Variants in ARHGEF9 observed in about 807,000 individuals in gnomAD.
ARHGEF9 encodes the protein Cdc42 guanine nucleotide exchange factor 9.
ARHGEF9 carries 2 observed loss-of-function variants against 41.3 expected under a neutral mutation model. That is an observed-to-expected ratio of 0.05 (90% confidence interval 0.02 to 0.15). The LOEUF (loss-of-function observed/expected upper bound fraction) is 0.15. ARHGEF9 is among the 10% of genes least tolerant of loss of function. The probability of loss-of-function intolerance (pLI) is 1.00; values close to 1 mark genes in which losing one functional copy is unlikely to be tolerated. For missense variants in ARHGEF9, 225 were observed against 424.7 expected (o/e 0.53, Z 4.13); for synonymous variants, 160 against 154.4 (o/e 1.04, Z -0.27).
intron 6 of ARHGEF9, among the ~76,000 whole-genome samples, chrX:63,670,573 T>C (rs1342254649): frequency 9.0e-6 from 1 of 110,658 alleles, no homozygotes; most frequent in Non-Finnish European, 1.9e-5. Flanking sequence ...ATCCAGGATA[T>C]GTTACCTTTC....
In ARHGEF9 at chrX:63,706,291, A is replaced by G. The variant is rs782015692; in HGVS notation, c.369T>C (p.Arg123=). 1.7e-6 allele frequency: 2 copies of G among 1,204,933 alleles called. No individual in the cohort carries two copies. Among genetic ancestry groups the G allele is most frequent in the African/African-American group, 1.7e-5 (1 of 57,396 alleles). ...NVINEIMSTE[R]HYIKHLKDIC... ...TATCCTTGAGGTGCTTGATGTAGTG[A>G]CGCTCAGTGCTCATTATCTCATTGA... is the stretch of plus-strand genomic sequence containing the variant. Residue 123 remains arginine, a synonymous_variant, in exon 3 of 10, where the codon CGT becomes CGC. Coordinates refer to ENST00000671741, the MANE Select transcript of ARHGEF9 (RefSeq NM_001353921.2).
chrX:63,774,077 CTATCTATCT>C (rs1556456601), intron 1 of ARHGEF9, among the ~76,000 whole-genome samples: 3 of 109,371 alleles, frequency 2.7e-5, no homozygotes, highest in African/African-American at 1.0e-4. Flanking sequence ...ATCTATCTAT[CTATCTATCT>C]ATCTATCTAC....
chrX:63,689,575 C>A (rs2051203957), intron 4 of ARHGEF9, among the ~76,000 whole-genome samples: 1 of 111,925 alleles, frequency 8.9e-6, no homozygotes, highest in Admixed American at 9.5e-5. Flanking sequence ...TCACTTTCAG[C>A]AATGAACAGA....
chrX:63,727,124 G>A (rs1556417523), intron 1 of ARHGEF9: 2 of 111,714 alleles, frequency 1.8e-5, no homozygotes, highest in East Asian at 2.8e-4. Flanking sequence ...ATTAAGACCT[G>A]TAGTTTAAAG....
chrX:63,654,459 G>T (rs1556333417), intron 8 of ARHGEF9, among the ~76,000 whole-genome samples: 1 of 111,723 alleles, frequency 9.0e-6, no homozygotes, highest in African/African-American at 3.3e-5. Context: ...TCCCAATGGA[G>T]TGTCCACATA....
chrX:63,696,988 G>A, intron 4 of ARHGEF9, 137 bp downstream of exon 4: 1 of 627,090 alleles, frequency 1.6e-6, no homozygotes, highest in East Asian at 3.6e-5. Context: ...AGAGACCAGG[G>A]GTCAAAATGA....
chrX:63,777,578 C>T (rs1486415404), intron 1 of ARHGEF9, among the ~76,000 whole-genome samples: 16 of 112,191 alleles, frequency 1.4e-4, no homozygotes, highest in African/African-American at 3.9e-4. Flanking sequence ...CAAGGCAAGT[C>T]CCTTCTGCCT....
chrX:63,653,140 A>G (rs1460003090), intron 8 of ARHGEF9, among the ~76,000 whole-genome samples: 3 of 111,646 alleles, frequency 2.7e-5, no homozygotes, highest in Non-Finnish European at 5.7e-5. Context: ...TATATAAGGG[A>G]CAATATCCTA....
At chrX:63,682,133 C>CAATCAATA (rs2090718392) in intron 4 of ARHGEF9, among the ~76,000 whole-genome samples, 1 of 101,524 alleles carries the variant, frequency 9.8e-6, no homozygotes, top group African/African-American at 3.5e-5. Context: ...TTAAACTCTT[C>CAATCAATA]AATAAATAAA....
chrX:63,710,686 AAAT>A (rs1308857244), intron 2 of ARHGEF9, among the ~76,000 whole-genome samples: 1 of 111,479 alleles, frequency 9.0e-6, no homozygotes, highest in Non-Finnish European at 1.9e-5. Context: ...ACTTTTCTCC[AAAT>A]AATAATGAAC....
At position 63,655,749 on chromosome X, in the gene ARHGEF9, G is replaced by A. The variant is rs1556335162; in HGVS notation, c.1078-12C>T. On this transcript the variant is annotated splice_polypyrimidine_tract_variant and intron_variant, in intron 7 of 9. Transcript: ENST00000671741. ...CTCCGGATTAGGTCCTAGATGGGAA[G>A]GAAGAGGTTTCTTGAAGGTATGTGC... The A allele has an allele frequency of 2.5e-6, 3 of 1,206,073 alleles. No homozygotes were observed. Among genetic ancestry groups the A allele is most frequent in the Non-Finnish European group, 3.4e-6 (3 of 894,849 alleles).
chrX:63,724,332 A>G (rs2053829878), intron 2 of ARHGEF9, among the ~76,000 whole-genome samples, 200 bp downstream of exon 2: 1 of 111,198 alleles, frequency 9.0e-6, no homozygotes, highest in Admixed American at 9.6e-5. Context: ...TAAACAAGAG[A>G]CAAATGAAAA....
chrX:63,771,049 C>T (rs1239239561), intron 1 of ARHGEF9, among the ~76,000 whole-genome samples: 1 of 112,347 alleles, frequency 8.9e-6, no homozygotes, highest in Non-Finnish European at 1.9e-5. Flanking sequence ...TGTTTGTAGA[C>T]TTTTTAATAA....
chrX:63,655,824 C>A, intron 7 of ARHGEF9, 87 bp from the exon 8 acceptor site: 1 of 1,126,021 alleles, frequency 8.9e-7, no homozygotes, highest in Non-Finnish European at 1.2e-6. Flanking sequence ...AATGCTAACA[C>A]TGTCACCGTT....
chrX:63,711,172 T>C (rs782703451), intron 2 of ARHGEF9, among the ~76,000 whole-genome samples: 1 of 111,523 alleles, frequency 9.0e-6, no homozygotes, highest in Non-Finnish European at 1.9e-5. Context: ...AAGAACTATA[T>C]AGAAAAACCT....
chrX:63,707,463 G>A (rs1422925690), intron 2 of ARHGEF9: 3 of 108,540 alleles, frequency 2.8e-5, no homozygotes, highest in African/African-American at 1.0e-4. Flanking sequence ...CAAGAAGATA[G>A]CCCTTCCCGC....
intron 4 of ARHGEF9, among the ~76,000 whole-genome samples, chrX:63,695,422 C>T (rs2051671508): frequency 9.0e-6 from 1 of 111,710 alleles, no homozygotes; most frequent in African/African-American, 3.3e-5. Context: ...GGTATTCCAA[C>T]ACATACGACA....
chrX:63,652,924 T>G (rs1390626672), intron 8 of ARHGEF9, among the ~76,000 whole-genome samples: 2 of 111,128 alleles, frequency 1.8e-5, no homozygotes, highest in African/African-American at 6.5e-5. Flanking sequence ...TTGCTCTCTC[T>G]CTCTCCTGCC....
chrX:63,737,885 C>T (rs1252319669), intron 1 of ARHGEF9, among the ~76,000 whole-genome samples: 4 of 112,051 alleles, frequency 3.6e-5, no homozygotes, highest in East Asian at 2.8e-4. Context: ...GATCTACTGG[C>T]GCTGGTCCAG....
Sources: allele counts gnomAD v4.1 joint callset (sites outside exome capture counted in the v4.1 genomes callset), GRCh38; gene constraint gnomAD v4.1.1; transcripts MANE v1.5; gene names NCBI Gene and HGNC (gene_info 2026-07-23, HGNC 2026-07-21).